The following ATXN2 variants were observed in gnomAD, a reference collection of about 807,000 sequenced individuals.
ATXN2 encodes ataxin 2, also known as ataxin-2.
ATXN2 carries 37 observed loss-of-function variants against 138.6 expected under a neutral mutation model. That is an observed-to-expected ratio of 0.27 (90% CI 0.21 to 0.35). ATXN2 has a LOEUF of 0.35. ATXN2 is among the 10% of genes least tolerant of loss of function. The probability of loss-of-function intolerance (pLI) is 1.00; values close to 1 mark genes in which losing one functional copy is unlikely to be tolerated. For synonymous variants in ATXN2, 549 were observed against 543.7 expected (o/e 1.01, Z -0.13); for missense variants, 1,216 against 1,480.3 (o/e 0.82, Z 2.93).
Position 111,516,418 on chromosome 12 carries a change from G to C in ATXN2, c.1166-55C>G. The C allele has an allele frequency of 4.2e-6, 6 of 1,428,048 alleles. No homozygotes were observed. The highest frequency in any genetic ancestry group is 1.5e-5 in the African/African-American group (1 of 67,928). The allele number at this position is 1,428,048 out of a possible 1,614,324, so 88.5% of individuals were successfully genotyped here. On this transcript the variant is annotated intron_variant, in intron 9 of 24. Transcript: ENST00000673436. The surrounding 1 kb of genome is among the most constrained non-coding windows in gnomAD (Gnocchi z 5.0). ...ATAAAAACTAAAGAAAAAAATGAGG[G>C]AAAAAAGTAAACAGAAAAAAAGTAA...
intron 14 of ATXN2, among the ~76,000 whole-genome samples, chr12:111,490,663 G>A (rs1023950492): frequency 6.6e-6 from 1 of 152,102 alleles, no homozygotes; most frequent in Non-Finnish European, 1.5e-5. Flanking sequence ...AATTAGGTAA[G>A]CGATCACAGT....
Position 111,465,630 on chromosome 12 carries a change from C to T in ATXN2, c.2843-915G>A, listed in dbSNP as rs533025801. Among the ~76,000 whole-genome samples, 6 of 151,620 alleles carry T rather than the reference C, an allele frequency of 4.0e-5. No individual in the cohort carries two copies. In the East Asian group the frequency reaches 7.8e-4, roughly 20 times the overall value. On this transcript the variant is annotated intron_variant, in intron 20 of 24. Transcript: ENST00000673436. Reference sequence around the variant, plus strand: ...ACTAAAAATACAAAAATTGGCCGGTCGTGGTGGCGCACACCTGTAGTCCCA... The same window carrying T: ...ACTAAAAATACAAAAATTGGCCGGTTGTGGTGGCGCACACCTGTAGTCCCA...
At chr12:111,553,289 T>G (rs559358883) in intron 3 of ATXN2, among the ~76,000 whole-genome samples, 1 of 152,130 alleles carries the variant, frequency 6.6e-6, no homozygotes, top group South Asian at 2.1e-4. Flanking sequence ...CACAGCAGGG[T>G]TAACAAGAAT....
chr12:111,572,231 T>C (rs193034415), intron 1 of ATXN2, among the ~76,000 whole-genome samples: 16 of 151,920 alleles, frequency 1.1e-4, no homozygotes, highest in African/African-American at 3.9e-4. Flanking sequence ...GAAACCCCCA[T>C]CTCTACTAAA....
intron 5 of ATXN2, among the ~76,000 whole-genome samples, chr12:111,527,491 C>T (rs1389864253): frequency 6.6e-6 from 1 of 152,232 alleles, no homozygotes; most frequent in Non-Finnish European, 1.5e-5. Flanking sequence ...AAGCATGGAA[C>T]TTCAAGCCTA....
At chr12:111,497,124 A>G (rs745679367) in intron 14 of ATXN2, among the ~76,000 whole-genome samples, 1 of 152,172 alleles carries the variant, frequency 6.6e-6, no homozygotes, top group African/African-American at 2.4e-5. Flanking sequence ...AAATGGATAA[A>G]TTCCTAGACA....
At chr12:111,547,501 G>A (rs1047909570) in intron 5 of ATXN2, among the ~76,000 whole-genome samples, 4 of 151,878 alleles carry the variant, frequency 2.6e-5, no homozygotes, top group Non-Finnish European at 5.9e-5. Flanking sequence ...CTAGGCAGGT[G>A]GATCACCTGA....
intron 1 of ATXN2, among the ~76,000 whole-genome samples, chr12:111,595,956 G>A (rs1884919093): frequency 6.6e-6 from 1 of 151,856 alleles, no homozygotes; most frequent in Admixed American, 6.6e-5. Context: ...CCAGCACTTT[G>A]GGAGGCCAAG....
intron 1 of ATXN2, among the ~76,000 whole-genome samples, chr12:111,558,519 T>C (rs1184866960): frequency 6.6e-6 from 1 of 152,182 alleles, no homozygotes; most frequent in East Asian, 1.9e-4. Flanking sequence ...ATTTACATGC[T>C]GAATGTGGTA....
intron 20 of ATXN2, among the ~76,000 whole-genome samples, chr12:111,466,653 T>C (rs1170515925): frequency 6.6e-6 from 1 of 152,226 alleles, no homozygotes. Context: ...GTATTAAACA[T>C]ACTAAAAATT....
At chr12:111,511,386 A>C (rs1342725290) in intron 11 of ATXN2, 2 of 152,110 alleles carry the variant, frequency 1.3e-5, no homozygotes, top group African/African-American at 2.4e-5. Context: ...TCTCACTTCT[A>C]ATCATGTTAT....
chr12:111,486,635 A>G lies in ATXN2; in HGVS notation c.2304+126T>C, dbSNP rs112508420. ...AAGTATTCATTAATGGCCATGTAAA[A>G]AAAAGAAAGAAGGTTGGTTCAGCAC... On this transcript the variant is annotated intron_variant, in intron 16 of 24. Transcript: ENST00000673436. 1.9e-5 allele frequency: 14 copies of G among 718,584 alleles called. No individual in the cohort carries two copies. In the African/African-American group the frequency reaches 2.3e-4, roughly 12 times the overall value. The allele number at this position is 718,584 out of a possible 1,614,324, so 44.5% of individuals were successfully genotyped here. A position where few individuals can be genotyped will look rare whatever the true frequency, so the allele number is the denominator to read the frequency against.
intron 15 of ATXN2, 82 bp from the exon 16 acceptor site, chr12:111,486,906 A>C (rs1316020464): frequency 8.5e-7 from 1 of 1,173,096 alleles, no homozygotes; most frequent in Non-Finnish European, 1.2e-6. Context: ...ATTTAAAAAA[A>C]ATTGCTAAAT....
At position 111,453,499 on chromosome 12, in the gene ATXN2, C is replaced by T. The variant is rs1002366370; in HGVS notation, c.3439+178G>A. The T allele has an allele frequency of 9.0e-6, 12 of 1,338,188 alleles. No homozygotes were observed. The African/African-American group carries it at 1.2e-4, about 14-fold the overall frequency. The allele number at this position is 1,338,188 out of a possible 1,614,324, so 82.9% of individuals were successfully genotyped here. On this transcript the variant is annotated intron_variant, in intron 24 of 24. Coordinates refer to ENST00000673436, the MANE Select transcript of ATXN2 (RefSeq NM_001372574.1). The surrounding 1 kb of genome is among the most constrained non-coding windows in gnomAD (Gnocchi z 5.4). The stretch of plus-strand genomic sequence containing the variant: ...TCAGAACACACACAGACTCGGCTCC[C>T]GGAAGCCTCAGGCCCTGATGCTGAA...
chr12:111,573,533 A>G (rs555514205), intron 1 of ATXN2, among the ~76,000 whole-genome samples: 21 of 152,234 alleles, frequency 1.4e-4, no homozygotes, highest in African/African-American at 4.8e-4. Context: ...TCATATCTCT[A>G]TATTAGAAGC....
chr12:111,579,977 G>A (rs926847440), intron 1 of ATXN2, among the ~76,000 whole-genome samples: 3 of 152,092 alleles, frequency 2.0e-5, no homozygotes, highest in Non-Finnish European at 4.4e-5. Context: ...TGGGATTACA[G>A]GCGTGAGCCA....
At position 111,519,933 on chromosome 12, in the gene ATXN2, T is replaced by C. The variant is rs754331062; in HGVS notation, c.932A>G (p.Tyr311Cys). ...ACTGGAATTTCTCTGAACTGCTGTGTATTTTTCTTCCTCACTCCTATCATC... is the reference window on the plus strand; with the variant it reads ...ACTGGAATTTCTCTGAACTGCTGTGCATTTTTCTTCCTCACTCCTATCATC... ...ENDDRSEEEKYTAVQRNSSER... is the reference protein window; with the variant it reads ...ENDDRSEEEKCTAVQRNSSER... Residue 311 changes from tyrosine (Y) to cysteine (C), a missense_variant, in exon 8 of 25, where the codon TAC (tyrosine) becomes TGC (cysteine). Around this residue, in one of 4 missense-constraint regions of ATXN2, gnomAD observed 401 missense variants for 528.1 expected, o/e 0.76. Transcript: ENST00000673436. The C allele has an allele frequency of 1.2e-6, 2 of 1,614,080 alleles. No individual in the cohort carries two copies. The highest frequency in any genetic ancestry group is 1.1e-5 in the South Asian group (1 of 91,082).
chr12:111,471,396 G>GTAAAAACC (rs894335634), intron 18 of ATXN2: 1 of 152,230 alleles, frequency 6.6e-6, no homozygotes, highest in East Asian at 1.9e-4. Context: ...CCCATGTGAG[G>GTAAAAACC]TTTTTTTCCA....
At chr12:111,573,905 C>T (rs557821332) in intron 1 of ATXN2, among the ~76,000 whole-genome samples, 16 of 149,116 alleles carry the variant, frequency 1.1e-4, no homozygotes, top group Non-Finnish European at 2.1e-4. Flanking sequence ...ATGGCCACTA[C>T]TACCACTTGG....
Sources: allele counts gnomAD v4.1 joint callset (sites outside exome capture counted in the v4.1 genomes callset), GRCh38; gene constraint gnomAD v4.1.1; regional missense constraint gnomAD v4.1.1; non-coding constraint Gnocchi (gnomAD v3.1); transcripts MANE v1.5; gene names NCBI Gene and HGNC (gene_info 2026-07-23, HGNC 2026-07-21).